Variants in ZFAND3 observed in about 807,000 individuals in gnomAD.
ZFAND3 encodes AN1-type zinc finger protein 3.
ZFAND3 carries 10 observed loss-of-function variants against 29.6 expected under a neutral mutation model. The ratio of observed to expected loss-of-function variants is 0.34; its 90% confidence interval spans 0.21 to 0.57. The LOEUF (loss-of-function observed/expected upper bound fraction) is 0.57, where lower values mean the gene tolerates loss of function less well. ZFAND3 is among the 20% of genes least tolerant of loss of function. ZFAND3 has a pLI of 0.86. For synonymous variants in ZFAND3, 128 were observed against 112.6 expected, an observed-to-expected ratio of 1.14 and a Z score of -0.87; for missense variants, 230 against 304.5, an observed-to-expected ratio of 0.76 and a Z score of 1.82.
At chr6:37,846,723 T>G (rs534103267) in intron 1 of ZFAND3, among the ~76,000 whole-genome samples, 20 of 151,932 alleles carry the variant, frequency 1.3e-4, no homozygotes, top group East Asian at 7.7e-4. Flanking sequence ...TTTTTGTTTT[T>G]TTTTTTGGAA....
chr6:38,073,982 T>C (rs1201637370), intron 3 of ZFAND3, among the ~76,000 whole-genome samples: 1 of 152,234 alleles, frequency 6.6e-6, no homozygotes. Context: ...CCTTTTACTG[T>C]TATTTACACT....
chr6:37,985,535 A>T (rs1304583597), intron 2 of ZFAND3, among the ~76,000 whole-genome samples: 1 of 142,264 alleles, frequency 7.0e-6, no homozygotes, highest in Non-Finnish European at 1.6e-5. Flanking sequence ...ACACCCCCAC[A>T]CACGCCTGGT....
At chr6:37,915,379 T>C (rs1441637810) in intron 1 of ZFAND3, among the ~76,000 whole-genome samples, 1 of 152,240 alleles carries the variant, frequency 6.6e-6, no homozygotes, top group Non-Finnish European at 1.5e-5. Context: ...ACAACCTGGC[T>C]AACTGGCATA....
At chr6:38,087,512 C>CA (rs1204868990) in intron 4 of ZFAND3, among the ~76,000 whole-genome samples, 4 of 151,828 alleles carry the variant, frequency 2.6e-5, no homozygotes, top group Non-Finnish European at 5.9e-5. Flanking sequence ...AATAATCGAT[C>CA]AAAAAAACAG....
At chr6:38,108,992 A>G (rs1765261494) in intron 4 of ZFAND3, among the ~76,000 whole-genome samples, 2 of 152,170 alleles carry the variant, frequency 1.3e-5, no homozygotes, top group South Asian at 4.1e-4. Context: ...TTGGGTAAAG[A>G]CTAAATGCAT....
intron 2 of ZFAND3, among the ~76,000 whole-genome samples, chr6:37,975,520 TTTC>T (rs1374594224): frequency 1.3e-5 from 2 of 152,198 alleles, no homozygotes; most frequent in African/African-American, 4.8e-5. Context: ...TTTTCTGCAT[TTTC>T]TTCAGGAAGT....
intron 5 of ZFAND3, among the ~76,000 whole-genome samples, chr6:38,117,174 C>T (rs1470493374): frequency 6.6e-6 from 1 of 151,164 alleles, no homozygotes; most frequent in Admixed American, 6.6e-5. Context: ...TTTTTTTCTC[C>T]ATATCCCTGT....
At chr6:38,134,826 C>T (rs962965447) in intron 5 of ZFAND3, among the ~76,000 whole-genome samples, 1 of 152,162 alleles carries the variant, frequency 6.6e-6, no homozygotes, top group South Asian at 2.1e-4. Context: ...CAGCCACGAG[C>T]CTGAATAAGA....
intron 1 of ZFAND3, among the ~76,000 whole-genome samples, chr6:37,874,386 A>G (rs1205172593): frequency 6.6e-6 from 1 of 152,054 alleles, no homozygotes; most frequent in African/African-American, 2.4e-5. Flanking sequence ...GTGGTGGCGC[A>G]TGCCTGTAAT....
intron 1 of ZFAND3, among the ~76,000 whole-genome samples, chr6:37,857,583 A>G (rs1764408127): frequency 6.6e-6 from 1 of 152,246 alleles, no homozygotes; most frequent in African/African-American, 2.4e-5. Flanking sequence ...TTATGGAACA[A>G]ACTAAACATA....
At chr6:37,870,422 T>C (rs534361424) in intron 1 of ZFAND3, among the ~76,000 whole-genome samples, 7 of 148,934 alleles carry the variant, frequency 4.7e-5, no homozygotes, top group Non-Finnish European at 8.9e-5. Flanking sequence ...GCCAACGTGG[T>C]GAAACCCCGC....
At chr6:38,147,348 C>G (rs930331108) in intron 5 of ZFAND3, among the ~76,000 whole-genome samples, 4 of 152,200 alleles carry the variant, frequency 2.6e-5, no homozygotes, top group African/African-American at 9.6e-5. Flanking sequence ...GAAGAGTATT[C>G]CTTTGTGTAT....
intron 1 of ZFAND3, among the ~76,000 whole-genome samples, chr6:37,895,124 T>C (rs1483913989): frequency 6.6e-6 from 1 of 152,136 alleles, no homozygotes; most frequent in Non-Finnish European, 1.5e-5. Context: ...CTTCATAGAC[T>C]TCAGTTATAC....
intron 4 of ZFAND3, among the ~76,000 whole-genome samples, chr6:38,092,706 A>G (rs565736343): frequency 1.3e-5 from 2 of 152,320 alleles, no homozygotes; most frequent in African/African-American, 4.8e-5. Flanking sequence ...GGAAAAACTG[A>G]GATACAGCTC....
chr6:37,917,199 G>A (rs996605101), intron 1 of ZFAND3, among the ~76,000 whole-genome samples: 2 of 152,176 alleles, frequency 1.3e-5, no homozygotes, highest in Non-Finnish European at 1.5e-5. Flanking sequence ...GTCTTGAAAT[G>A]TATCCCTCAA....
At chr6:37,840,737 T>C (rs1288744497) in intron 1 of ZFAND3, among the ~76,000 whole-genome samples, 3 of 152,234 alleles carry the variant, frequency 2.0e-5, no homozygotes, top group African/African-American at 7.2e-5. Context: ...TTTATCTGTC[T>C]TCAGTTCTTT....
rs990559245 is a variant in ZFAND3, at chr6:38,154,377, G to C, written c.*1988G>C. The stretch of plus-strand genomic sequence containing the variant: ...GTTCGCTTCCTGACTTAGAGCTGGG[G>C]GGGGTGGGGGGTGGGGCTTGTTCCC... On this transcript the variant is annotated 3_prime_UTR_variant, in exon 6 of 6. Transcript: ENST00000287218. The C allele has an allele frequency of 2.1e-5, 16 of 753,932 alleles. No homozygotes were observed. The South Asian group carries it at 5.3e-4, about 25-fold the overall frequency. The allele number at this position is 753,932 out of a possible 1,614,324, so 46.7% of individuals were successfully genotyped here.
chr6:38,145,387 C>A (rs751068545), intron 5 of ZFAND3, among the ~76,000 whole-genome samples: 3 of 152,148 alleles, frequency 2.0e-5, no homozygotes, highest in African/African-American at 4.8e-5. Flanking sequence ...GATGTTGTTA[C>A]AATTTTCACA....
intron 4 of ZFAND3, among the ~76,000 whole-genome samples, chr6:38,085,290 G>A (rs187778423): frequency 6.6e-6 from 1 of 152,314 alleles, no homozygotes; most frequent in East Asian, 1.9e-4. Flanking sequence ...TTACTTTACA[G>A]TGGTGTCATT....
Sources: allele counts gnomAD v4.1 joint callset (sites outside exome capture counted in the v4.1 genomes callset), GRCh38; gene constraint gnomAD v4.1.1; transcripts MANE v1.5; gene names NCBI Gene and HGNC (gene_info 2026-07-23, HGNC 2026-07-21).